Variants in DHX9 observed in about 807,000 individuals in gnomAD.
DHX9 encodes ATP-dependent RNA helicase A.
Under a neutral mutation model 148.7 loss-of-function variants are expected in DHX9, and 27 were observed. The observed-to-expected ratio is 0.18, with a 90% confidence interval of 0.13 to 0.25. The LOEUF is 0.25. Among genes scored for constraint, DHX9 ranks in the 10% least tolerant of loss-of-function variants. DHX9 has a pLI of 1.00. For synonymous variants in DHX9, 529 were observed against 516.6 expected (o/e 1.02, Z -0.33); for missense variants, 796 against 1,559.6 (o/e 0.51, Z 8.25).
At chr1:182,866,657 G>A (rs1389290907) in intron 13 of DHX9, 72 bp downstream of exon 13, 8 of 1,479,410 alleles carry the variant, frequency 5.4e-6, no homozygotes, top group African/African-American at 1.5e-5. Flanking sequence ...TAGCAGAACA[G>A]AATGACTGGA....
chr1:182,879,667 CTAA>C (rs781309272), intron 21 of DHX9, among the ~76,000 whole-genome samples: 1 of 152,174 alleles, frequency 6.6e-6, no homozygotes, highest in Non-Finnish European at 1.5e-5. Flanking sequence ...TAACTATGTA[CTAA>C]AGATCAGAAC....
chr1:182,885,576 C>T (rs1649282638), intron 27 of DHX9, among the ~76,000 whole-genome samples: 1 of 152,198 alleles, frequency 6.6e-6, no homozygotes, highest in African/African-American at 2.4e-5. Context: ...TACTAAAATT[C>T]TTCCAGTTAT....
At chr1:182,844,769 G>A (rs910636515) in intron 3 of DHX9, among the ~76,000 whole-genome samples, 12 of 151,938 alleles carry the variant, frequency 7.9e-5, no homozygotes, top group African/African-American at 2.4e-4. Flanking sequence ...TCCTGACCTC[G>A]GCCTCCCAAA....
intron 12 of DHX9, among the ~76,000 whole-genome samples, chr1:182,863,416 TA>T (rs1648079723): frequency 6.6e-6 from 1 of 152,202 alleles, no homozygotes; most frequent in Non-Finnish European, 1.5e-5. Context: ...TTTACTGTTA[TA>T]TTACACAAAT....
At chr1:182,879,137 TAA>T in intron 20 of DHX9, 111 bp from the exon 21 acceptor site, 1 of 836,764 alleles carries the variant, frequency 1.2e-6, no homozygotes, top group South Asian at 3.7e-5. Flanking sequence ...AATTGTAAAA[TAA>T]AAGGATGAGG....
chr1:182,876,939 G>GT, intron 19 of DHX9, 36 bp downstream of exon 19: 1 of 1,462,440 alleles, frequency 6.8e-7, no homozygotes, highest in African/African-American at 1.4e-5. Flanking sequence ...CTGCTCCAGT[G>GT]TTACTAACTG....
chr1:182,884,943 G>T, intron 27 of DHX9, 130 bp downstream of exon 27: 3 of 775,582 alleles, frequency 3.9e-6, no homozygotes, highest in Non-Finnish European at 6.2e-6. Flanking sequence ...GAGCTATATA[G>T]ATAGAGAGTT....
chr1:182,875,199 T>C (rs967817542), intron 16 of DHX9: 2 of 519,712 alleles, frequency 3.8e-6, no homozygotes, highest in African/African-American at 1.9e-5. Flanking sequence ...GAAGAAAGAA[T>C]GCGATGTTTA....
At chr1:182,874,803 C>A in intron 15 of DHX9, 51 bp from the exon 16 acceptor site, 1 of 1,348,848 alleles carries the variant, frequency 7.4e-7, no homozygotes. Flanking sequence ...TTTAGGTCTG[C>A]TCCATTGTGA....
At chr1:182,886,543 C>A (rs1055339764) in intron 27 of DHX9, among the ~76,000 whole-genome samples, 1 of 152,034 alleles carries the variant, frequency 6.6e-6, no homozygotes, top group African/African-American at 2.4e-5. Flanking sequence ...GTGTTATTCT[C>A]GAAGAAAAGC....
intron 3 of DHX9, among the ~76,000 whole-genome samples, chr1:182,844,525 A>G (rs1667991553): frequency 6.6e-6 from 1 of 152,024 alleles, no homozygotes; most frequent in Admixed American, 6.6e-5. Flanking sequence ...GTTTTTAAGA[A>G]ATAAGGTTTT....
chr1:182,848,337 G>T (rs531319105), intron 3 of DHX9, among the ~76,000 whole-genome samples: 1 of 152,342 alleles, frequency 6.6e-6, no homozygotes, highest in Non-Finnish European at 1.5e-5. Context: ...CTGACATCTA[G>T]AAGGTGAAGG....
chr1:182,849,452 T>C lies in DHX9; in HGVS notation c.253-2781T>C, dbSNP rs142648356. Among the ~76,000 whole-genome samples the C allele has an allele frequency of 6.8e-3, 1,031 of 152,346 alleles. 14 individuals are homozygous for C. The highest frequency in any genetic ancestry group is 0.024 in the African/African-American group (981 of 41,584). ...CAAACCTAAAAGAAAAATTTAAGAATAGTGTCAATATAATGAGATATCCAA... is the reference window on the plus strand; with the variant it reads ...CAAACCTAAAAGAAAAATTTAAGAACAGTGTCAATATAATGAGATATCCAA... On this transcript the variant is annotated intron_variant, in intron 3 of 27. Coordinates refer to ENST00000367549, the MANE Select transcript of DHX9 (RefSeq NM_001357.5).
Position 182,845,987 on chromosome 1 carries a change from A to G in DHX9, c.252+2553A>G, listed in dbSNP as rs115959738. Among the ~76,000 whole-genome samples, 1,492 of 152,162 alleles carry G rather than the reference A, an allele frequency of 9.8e-3. 27 individuals carry two copies. Among genetic ancestry groups the G allele is most frequent in the African/African-American group, 0.034 (1,418 of 41,506 alleles). On this transcript the variant is annotated intron_variant, in intron 3 of 27. Transcript: ENST00000367549. ...ATGGAAACTTCATTATTCAGTATTG[A>G]TTAAATCGTTGGCCATTGGTGACTT...
chr1:182,870,046 A>G (rs188858045), intron 14 of DHX9, among the ~76,000 whole-genome samples: 2 of 152,386 alleles, frequency 1.3e-5, no homozygotes, highest in East Asian at 3.9e-4. Flanking sequence ...TACCGAAGGC[A>G]GTTGCATTTT....
chr1:182,856,745 G>T (rs1190110967), intron 7 of DHX9, among the ~76,000 whole-genome samples, 167 bp downstream of exon 7: 2 of 152,190 alleles, frequency 1.3e-5, no homozygotes, highest in African/African-American at 2.4e-5. Context: ...ATAAATTAGA[G>T]GCAAAGTCTC....
chr1:182,870,337 T>G (rs1176658117), intron 14 of DHX9, among the ~76,000 whole-genome samples: 2 of 152,238 alleles, frequency 1.3e-5, no homozygotes, highest in East Asian at 1.9e-4. Context: ...AAAGATAGAT[T>G]TATGGCCCCA....
In DHX9 at chr1:182,842,777, T is replaced by C. The variant is rs186828130; in HGVS notation, c.111+100T>C. On this transcript the variant is annotated intron_variant, in intron 2 of 27. Coordinates refer to ENST00000367549, the MANE Select transcript of DHX9 (RefSeq NM_001357.5). ...TTGGAGATGTTAATGTGTTGCACAT[T>C]AGGAAACGACAGTTCTTTATTGTGA... 2.2e-3 allele frequency: 1,848 copies of C among 845,366 alleles called. 4 individuals carry two copies. Among genetic ancestry groups the C allele is most frequent in the Middle Eastern group, 2.4e-3 (9 of 3,768 alleles). The allele number at this position is 845,366 out of a possible 1,614,324, so 52.4% of individuals were successfully genotyped here.
intron 15 of DHX9, among the ~76,000 whole-genome samples, chr1:182,873,314 G>A (rs79421353): frequency 6.6e-6 from 1 of 151,946 alleles, no homozygotes; most frequent in African/African-American, 2.4e-5. Context: ...TCTGGTAGCT[G>A]TGGGGGAAAA....
Sources: gnomAD v4.1 joint callset for allele counts (sites outside exome capture counted in the v4.1 genomes callset) on GRCh38, gnomAD v4.1.1 for gene constraint, MANE v1.5 for transcripts, NCBI Gene and HGNC (gene_info 2026-07-23, HGNC 2026-07-21) for gene names.